EPHA5: variants seen among roughly 807,000 people sequenced by gnomAD.
EPHA5 encodes the protein EPH receptor A5.
EPHA5 carries 60 observed loss-of-function variants against 105.0 expected under a neutral mutation model. The observed-to-expected ratio is 0.57, with a 90% confidence interval of 0.46 to 0.71. The LOEUF is 0.71. Ranked by LOEUF, EPHA5 falls within the 30% of genes least tolerant of loss-of-function variation. The pLI, the probability that EPHA5 is intolerant of heterozygous loss-of-function variation, is 0.00. For missense variants in EPHA5, 1,218 were observed against 1,274.7 expected, an observed-to-expected ratio of 0.96 and a Z score of 0.68; for synonymous variants, 513 against 449.1, an observed-to-expected ratio of 1.14 and a Z score of -1.80.
intron 6 of EPHA5, among the ~76,000 whole-genome samples, chr4:65,415,227 A>G (rs1042572601): frequency 1.4e-4 from 22 of 152,106 alleles, no homozygotes; most frequent in Non-Finnish European, 2.8e-4. Context: ...CAGAAATCAC[A>G]TGCTCAAATA....
intron 3 of EPHA5, among the ~76,000 whole-genome samples, chr4:65,580,101 A>T (rs1578483829): frequency 6.6e-6 from 1 of 151,950 alleles, no homozygotes; most frequent in East Asian, 1.9e-4. Flanking sequence ...ATTTTAGAAC[A>T]AAGTTCTAAA....
chr4:65,576,103 GAAAAGAAAAGAA>G (rs1560721547), intron 3 of EPHA5, among the ~76,000 whole-genome samples: 3,814 of 74,192 alleles, frequency 0.051, 321 homozygotes, highest in East Asian at 0.095. Flanking sequence ...GAAAAGAAAA[GAAAAGAAAAGAA>G]AAAAGAAAAG....
rs2148774046 is a variant in EPHA5, at chr4:65,323,328, A to C, written c.*786T>G. On this transcript the variant is annotated 3_prime_UTR_variant, in exon 17 of 17. Coordinates refer to ENST00000613740, the MANE Select transcript of EPHA5 (RefSeq NM_001281766.3). ...GAACACTTGCTCCTATATGTTGCTAAAATTGAAACACTATTAGAAATGCAA... is the reference window on the plus strand; with the variant it reads ...GAACACTTGCTCCTATATGTTGCTACAATTGAAACACTATTAGAAATGCAA... The C allele has an allele frequency of 4.4e-6, 1 of 229,862 alleles. No homozygotes were observed. Among genetic ancestry groups the C allele is most frequent in the Middle Eastern group, 1.3e-3 (1 of 766 alleles). 14.2% of individuals were successfully genotyped at this position (229,862 alleles called of 1,614,324 possible).
intron 2 of EPHA5, among the ~76,000 whole-genome samples, chr4:65,623,291 T>C (rs914119489): frequency 8.5e-5 from 13 of 152,112 alleles, no homozygotes; most frequent in African/African-American, 3.1e-4. Flanking sequence ...GTAATTCTTT[T>C]GTAACAGTCC....
At chr4:65,412,158 G>T (rs1043802230) in intron 7 of EPHA5, among the ~76,000 whole-genome samples, 1 of 152,114 alleles carries the variant, frequency 6.6e-6, no homozygotes, top group Non-Finnish European at 1.5e-5. Flanking sequence ...AACTCAGGAG[G>T]TGGAGGTTGT....
intron 14 of EPHA5, among the ~76,000 whole-genome samples, chr4:65,336,612 A>G (rs1419669034): frequency 6.6e-6 from 1 of 152,140 alleles, no homozygotes; most frequent in Non-Finnish European, 1.5e-5. Flanking sequence ...GGATAAGTCA[A>G]AGGCTAAATT....
intron 3 of EPHA5, among the ~76,000 whole-genome samples, chr4:65,593,327 C>A (rs1372218333): frequency 1.3e-5 from 2 of 152,064 alleles, no homozygotes; most frequent in Non-Finnish European, 2.9e-5. Context: ...TTTTTACATA[C>A]ATACAAGGGA....
intron 3 of EPHA5, among the ~76,000 whole-genome samples, chr4:65,548,851 G>C (rs955815896): frequency 6.6e-6 from 1 of 152,120 alleles, no homozygotes; most frequent in Non-Finnish European, 1.5e-5. Context: ...ACTGAGTGTT[G>C]AGGTGTCATA....
intron 2 of EPHA5, among the ~76,000 whole-genome samples, chr4:65,606,863 G>A (rs1432990612): frequency 2.0e-5 from 3 of 152,018 alleles, no homozygotes; most frequent in African/African-American, 4.8e-5. Flanking sequence ...ATAAAAATCT[G>A]GCAAAGAATC....
At chr4:65,330,447 T>C (rs1314073962) in intron 16 of EPHA5, 4 of 197,936 alleles carry the variant, frequency 2.0e-5, no homozygotes, top group East Asian at 1.9e-4. Context: ...AAGTAGCTAA[T>C]GCAAAAACTA....
chr4:65,606,935 T>C (rs1435387087), intron 2 of EPHA5, among the ~76,000 whole-genome samples: 3 of 152,196 alleles, frequency 2.0e-5, no homozygotes, highest in Admixed American at 6.5e-5. Flanking sequence ...ACCTTGTTTA[T>C]CACCTAACTG....
chr4:65,632,534 G>GC (rs1746742773), intron 2 of EPHA5, among the ~76,000 whole-genome samples: 1 of 88,828 alleles, frequency 1.1e-5, no homozygotes, highest in African/African-American at 5.5e-5. Context: ...TCAATTTTCA[G>GC]CAAAAAAAAA....
At chr4:65,424,950 A>G (rs534216072) in intron 5 of EPHA5, among the ~76,000 whole-genome samples, 5 of 152,236 alleles carry the variant, frequency 3.3e-5, no homozygotes, top group African/African-American at 1.2e-4. Flanking sequence ...GTCAAATGGA[A>G]TAAGAAAATA....
At chr4:65,348,330 G>A in intron 13 of EPHA5, 127 bp from the exon 14 acceptor site, 1 of 787,436 alleles carries the variant, frequency 1.3e-6, no homozygotes, top group Non-Finnish European at 2.0e-6. Context: ...ACAGCGCGCA[G>A]TGTCTTTTCA....
intron 7 of EPHA5, among the ~76,000 whole-genome samples, chr4:65,409,605 G>C (rs1722727496): frequency 6.6e-6 from 1 of 152,094 alleles, no homozygotes; most frequent in Non-Finnish European, 1.5e-5. Flanking sequence ...ATCACTGAAG[G>C]TTAAAATAAT....
chr4:65,384,856 C>A (rs1405439840), intron 8 of EPHA5, among the ~76,000 whole-genome samples: 5 of 151,798 alleles, frequency 3.3e-5, no homozygotes, highest in Non-Finnish European at 7.4e-5. Context: ...CTTACTCCTG[C>A]AGAACGATGC....
At chr4:65,418,895 T>C (rs1723661162) in intron 6 of EPHA5, among the ~76,000 whole-genome samples, 1 of 98,078 alleles carries the variant, frequency 1.0e-5, no homozygotes, top group Non-Finnish European at 2.2e-5. Context: ...TTTTTTTTTT[T>C]GCTTCGAGAC....
chr4:65,333,315 T>G (rs189747029), intron 15 of EPHA5, among the ~76,000 whole-genome samples: 22 of 151,836 alleles, frequency 1.4e-4, no homozygotes, highest in Non-Finnish European at 2.9e-4. Context: ...TACCCTTGAG[T>G]ATAGTTTCTT....
chr4:65,624,976 A>G (rs1746006900), intron 2 of EPHA5, among the ~76,000 whole-genome samples: 1 of 152,190 alleles, frequency 6.6e-6, no homozygotes, highest in Admixed American at 6.5e-5. Context: ...TAAATGTATT[A>G]AAAATAAAAC....
Sources: gnomAD v4.1 joint callset for allele counts (sites outside exome capture counted in the v4.1 genomes callset) on GRCh38, gnomAD v4.1.1 for gene constraint, MANE v1.5 for transcripts, NCBI Gene and HGNC (gene_info 2026-07-23, HGNC 2026-07-21) for gene names.